Variants in PACRG observed in about 807,000 individuals in gnomAD.
PACRG encodes parkin coregulated gene protein.
A neutral mutation model predicts 29.7 loss-of-function variants in PACRG; 29 were observed. The observed-to-expected ratio is 0.98, with a 90% CI of 0.73 to 1.33. The LOEUF (loss-of-function observed/expected upper bound fraction) is 1.33. PACRG is among the 40% of genes most tolerant of loss of function. PACRG has a pLI of 0.00. For synonymous variants in PACRG, 116 were observed against 118.7 expected, an observed-to-expected ratio of 0.98 and a Z score of 0.15; for missense variants, 279 against 316.2, an observed-to-expected ratio of 0.88 and a Z score of 0.89.
chr6:163,084,748 A>T (rs1813389837), intron 3 of PACRG, among the ~76,000 whole-genome samples: 1 of 148,534 alleles, frequency 6.7e-6, no homozygotes, highest in Admixed American at 6.8e-5. Context: ...GAGAGAGATT[A>T]TTAATGCATG....
intron 1 of PACRG, among the ~76,000 whole-genome samples, chr6:162,730,314 T>C (rs1015305716): frequency 6.6e-6 from 1 of 152,162 alleles, no homozygotes; most frequent in Non-Finnish European, 1.5e-5. Flanking sequence ...CTTCTCAGCA[T>C]TATAAGGTGA....
chr6:162,896,155 A>T (rs987706029), intron 2 of PACRG, among the ~76,000 whole-genome samples: 11 of 152,188 alleles, frequency 7.2e-5, no homozygotes, highest in Non-Finnish European at 1.3e-4. Flanking sequence ...GGGTGGTCAC[A>T]TGGCCATGTG....
chr6:162,878,774 G>A (rs1358230330), intron 2 of PACRG, among the ~76,000 whole-genome samples: 2 of 152,312 alleles, frequency 1.3e-5, no homozygotes, highest in Admixed American at 6.5e-5. Context: ...GTTTCTAGCG[G>A]TAGTTTACCG....
chr6:163,307,392 CT>C (rs1757838690), intron 4 of PACRG, among the ~76,000 whole-genome samples: 1 of 152,210 alleles, frequency 6.6e-6, no homozygotes, highest in African/African-American at 2.4e-5. Flanking sequence ...GGAAAGAAAT[CT>C]TGTGAATTTC....
chr6:162,727,539 G>A (rs1006067815), upstream of PACRG: 5 of 1,110,136 alleles, frequency 4.5e-6, no homozygotes, highest in East Asian at 2.7e-5. Context: ...GGGACGGCAC[G>A]GGCACTTTGG....
At chr6:162,927,473 T>TA (rs1458217128) in intron 2 of PACRG, among the ~76,000 whole-genome samples, 1 of 152,046 alleles carries the variant, frequency 6.6e-6, no homozygotes, top group Non-Finnish European at 1.5e-5. Flanking sequence ...TATGCAGCCA[T>TA]AAAAAAGAAT....
intron 2 of PACRG, among the ~76,000 whole-genome samples, chr6:162,923,800 C>G (rs535684808): frequency 1.3e-5 from 2 of 152,068 alleles, no homozygotes; most frequent in South Asian, 4.2e-4. Flanking sequence ...TGTGATGTCT[C>G]CAGCTTTATG....
intron 2 of PACRG, among the ~76,000 whole-genome samples, chr6:162,947,342 A>AATCATAT (rs1562765529): frequency 0.017 from 227 of 13,364 alleles, 16 homozygotes; most frequent in African/African-American, 0.026. Context: ...TCATATATAT[A>AATCATAT]ATGATTACAT....
chr6:163,243,036 C>T (rs964201089), intron 4 of PACRG, among the ~76,000 whole-genome samples: 2 of 152,190 alleles, frequency 1.3e-5, no homozygotes, highest in Non-Finnish European at 2.9e-5. Context: ...TTTTTCATAA[C>T]AGGCCATTAT....
intron 2 of PACRG, among the ~76,000 whole-genome samples, chr6:162,854,962 C>T (rs1395121869): frequency 6.6e-6 from 1 of 152,260 alleles, no homozygotes; most frequent in Non-Finnish European, 1.5e-5. Context: ...CTTCCTAGAG[C>T]AGCCGCTGCA....
At chr6:162,913,363 G>T (rs1796449583) in intron 2 of PACRG, among the ~76,000 whole-genome samples, 1 of 152,154 alleles carries the variant, frequency 6.6e-6, no homozygotes, top group African/African-American at 2.4e-5. Context: ...TGCCTTTGAT[G>T]TTCATTCTTG....
At chr6:163,158,102 T>C (rs888317803) in intron 4 of PACRG, among the ~76,000 whole-genome samples, 8 of 152,214 alleles carry the variant, frequency 5.3e-5, no homozygotes, top group African/African-American at 1.9e-4. Context: ...ACTGAGAGAA[T>C]GGGAAATGCT....
At chr6:163,149,730 G>C (rs935203742) in intron 4 of PACRG, among the ~76,000 whole-genome samples, 3 of 152,088 alleles carry the variant, frequency 2.0e-5, no homozygotes, top group Admixed American at 6.5e-5. Flanking sequence ...TCCAGAAGCT[G>C]TCTCCCCCGA....
chr6:162,993,177 A>G (rs1458652973), intron 2 of PACRG, among the ~76,000 whole-genome samples: 179 of 143,172 alleles, frequency 1.3e-3, no homozygotes, highest in African/African-American at 2.5e-3. Context: ...GGTCAATTTT[A>G]GAATAGGTGT....
At chr6:162,737,031 A>T (rs1356078514) in intron 1 of PACRG, among the ~76,000 whole-genome samples, 2 of 152,298 alleles carry the variant, frequency 1.3e-5, no homozygotes, top group Non-Finnish European at 2.9e-5. Context: ...ATTTTACAGT[A>T]TTTCCTTGAA....
At position 162,909,554 on chromosome 6, in the gene PACRG, CAA is replaced by C. The variant is rs562001835; in HGVS notation, c.291+95294_291+95295del. On this transcript the variant is annotated intron_variant, in intron 2 of 4. Transcript: ENST00000366888. ...TGGGTGACAGAGCGAGACTCCATCT[CAA>C]AAAAAAAAAAAAAAAAAAAATCATC... Among the ~76,000 whole-genome samples, 191 of 70,038 alleles carry C rather than the reference CAA, an allele frequency of 2.7e-3. 1 individual carries two copies. The highest frequency in any genetic ancestry group is 0.024 in the East Asian group (66 of 2,728). 45.9% of individuals were successfully genotyped at this position (70,038 alleles called of 152,430 possible).
intron 4 of PACRG, among the ~76,000 whole-genome samples, chr6:163,280,336 C>T (rs1681727187): frequency 6.6e-6 from 1 of 152,150 alleles, no homozygotes; most frequent in South Asian, 2.1e-4. Context: ...GAGCTGGCCC[C>T]ACCTGTCTGG....
At position 163,103,394 on chromosome 6, in the gene PACRG, C is replaced by T. The variant is rs547700570; in HGVS notation, c.613+13986C>T. ...CAGCAATGGAGGGTTTCCTATCACT[C>T]GGCCTCCCCTTCTGCCGCATCTCAT... is the stretch of plus-strand genomic sequence containing the variant. On this transcript the variant is annotated intron_variant, in intron 4 of 4. Transcript: ENST00000366888. 1.7e-3 allele frequency among the ~76,000 whole-genome samples: 253 copies of T among 152,288 alleles called. 6 individuals carry two copies. In the South Asian group the frequency reaches 0.047, roughly 28 times the overall value.
intron 1 of PACRG, among the ~76,000 whole-genome samples, chr6:162,762,105 C>T (rs562410752): frequency 6.6e-6 from 1 of 152,206 alleles, no homozygotes; most frequent in East Asian, 1.9e-4. Flanking sequence ...TCCTTGATGA[C>T]ATTAACTGGA....
Sources: allele counts gnomAD v4.1 joint callset (sites outside exome capture counted in the v4.1 genomes callset), GRCh38; gene constraint gnomAD v4.1.1; transcripts MANE v1.5; gene names NCBI Gene and HGNC (gene_info 2026-07-23, HGNC 2026-07-21).